The following HSD17B7 variants were observed in gnomAD, a reference collection of about 807,000 sequenced individuals.
HSD17B7 encodes the protein hydroxysteroid 17-beta dehydrogenase 7.
HSD17B7 carries 17 observed loss-of-function variants against 34.1 expected under a neutral mutation model. The observed-to-expected ratio is 0.50, with a 90% CI of 0.34 to 0.75. The LOEUF (loss-of-function observed/expected upper bound fraction) is 0.75. HSD17B7 is among the 30% of genes least tolerant of loss of function. The probability of loss-of-function intolerance (pLI) is 0.01; values close to 1 mark genes in which losing one functional copy is unlikely to be tolerated. For synonymous variants in HSD17B7, 122 were observed against 154.6 expected (o/e 0.79, Z 1.56); for missense variants, 296 against 406.6 (o/e 0.73, Z 2.34).
At chr1:162,804,131 G>C in intron 6 of HSD17B7, 136 bp from the exon 7 acceptor site, 1 of 580,732 alleles carries the variant, frequency 1.7e-6, no homozygotes, top group Non-Finnish European at 3.1e-6. Context: ...TTTCTTTTTT[G>C]ACTTCTTTAT....
intron 8 of HSD17B7, among the ~76,000 whole-genome samples, chr1:162,807,560 C>T (rs1329347230): frequency 6.6e-6 from 1 of 152,166 alleles, no homozygotes; most frequent in African/African-American, 2.4e-5. Flanking sequence ...CTGTCTTCCA[C>T]AATGGTTGAA....
intron 3 of HSD17B7, 158 bp from the exon 4 acceptor site, chr1:162,797,644 A>G (rs1404185525): frequency 7.8e-6 from 9 of 1,150,468 alleles, no homozygotes; most frequent in Non-Finnish European, 9.5e-6. Context: ...TTCATTTAAT[A>G]CAATAACCCA....
intron 8 of HSD17B7, among the ~76,000 whole-genome samples, chr1:162,811,294 TG>T (rs1488491034): frequency 6.6e-6 from 1 of 152,238 alleles, no homozygotes; most frequent in Non-Finnish European, 1.5e-5. Flanking sequence ...TCTTCTGGCT[TG>T]TAGAGTTTCT....
At chr1:162,800,110 A>G in intron 5 of HSD17B7, 173 bp downstream of exon 5, 1 of 718,252 alleles carries the variant, frequency 1.4e-6, no homozygotes, top group Non-Finnish European at 2.6e-6. Flanking sequence ...TTATAGTTAT[A>G]GGTAGTTCAT....
Position 162,797,859 on chromosome 1 carries a change from C to T in HSD17B7, c.390C>T (p.Ile130=). 1 of 1,613,860 alleles carries T rather than the reference C, an allele frequency of 6.2e-7. No individual in the cohort carries two copies. Among genetic ancestry groups the T allele is most frequent in the South Asian group, 1.1e-5 (1 of 91,042 alleles). ...AEGLLTQGDK[I]TADGLQEVFE... ...GCCTGCTGACCCAGGGTGATAAGAT[C>T]ACTGCTGATGGACTTCAGGAGGTGT... The change falls in exon 4 of 9, where the codon ATC becomes ATT. Residue 130 remains isoleucine (I), a synonymous_variant. Transcript: ENST00000254521.
rs376724260 is a variant in HSD17B7, at chr1:162,810,840, C to G, written c.904-1458C>G. Among the ~76,000 whole-genome samples, 10 of 152,172 alleles carry G rather than the reference C, an allele frequency of 6.6e-5. No individual in the cohort carries two copies. The South Asian group carries it at 1.5e-3, about 22-fold the overall frequency. ...ATCCCTTTATTTTGAGCCTATGTGTCTCTCTGCACATGAAATGGGTCTCCT... is the reference window on the plus strand; with the variant it reads ...ATCCCTTTATTTTGAGCCTATGTGTGTCTCTGCACATGAAATGGGTCTCCT... On this transcript the variant is annotated intron_variant, in intron 8 of 8. Transcript: ENST00000254521.
chr1:162,797,993 A>G (rs891885296), intron 4 of HSD17B7, 77 bp downstream of exon 4: 2 of 1,505,546 alleles, frequency 1.3e-6, no homozygotes, highest in East Asian at 2.4e-5. Flanking sequence ...GGGCATTATT[A>G]TAGTTGAGCA....
chr1:162,792,856 A>G lies in HSD17B7; in HGVS notation c.233A>G (p.Lys78Arg), dbSNP rs963632785. Residue 78 changes from lysine to arginine, a missense_variant, in exon 2 of 9, where the codon AAG becomes AGG. Physicochemically the swap from Lys to Arg is conservative, Grantham distance 26. Coordinates refer to ENST00000254521, the MANE Select transcript of HSD17B7 (RefSeq NM_016371.4). ...QSVFRASKELKQRFQRLDCIY... is the reference protein window; with the variant it reads ...QSVFRASKELRQRFQRLDCIY... ...GTCTTCCGGGCCTCCAAGGAACTTA[A>G]GCAAAGGTATATCTCTTGCTGATGG... 11 of 1,614,070 alleles carry G rather than the reference A, an allele frequency of 6.8e-6. No individual in the cohort carries two copies. Among genetic ancestry groups the G allele is most frequent in the Non-Finnish European group, 9.3e-6 (11 of 1,180,040 alleles).
At chr1:162,798,994 C>CA (rs58731372) in intron 4 of HSD17B7, 39 of 138,524 alleles carry the variant, frequency 2.8e-4, no homozygotes, top group South Asian at 1.9e-3. Context: ...AACTCCGTCT[C>CA]AAAAAAAAAA....
intron 7 of HSD17B7, among the ~76,000 whole-genome samples, chr1:162,804,637 C>T (rs1441462385): frequency 3.3e-5 from 5 of 152,146 alleles, no homozygotes; most frequent in African/African-American, 1.2e-4. Flanking sequence ...CAGAGCAGGA[C>T]GGTGACTGCA....
intron 5 of HSD17B7, among the ~76,000 whole-genome samples, chr1:162,800,604 G>T (rs772745181): frequency 2.6e-5 from 4 of 152,202 alleles, no homozygotes; most frequent in Non-Finnish European, 5.9e-5. Context: ...TGCCACTATG[G>T]TCTGCACCTT....
At chr1:162,811,497 AT>A (rs200561224) in intron 8 of HSD17B7, among the ~76,000 whole-genome samples, 15 of 152,244 alleles carry the variant, frequency 9.9e-5, no homozygotes, top group African/African-American at 3.1e-4. Context: ...GGATATCACT[AT>A]TTAAAAGGGC....
chr1:162,809,530 T>A (rs1649104039), intron 8 of HSD17B7, among the ~76,000 whole-genome samples: 1 of 149,802 alleles, frequency 6.7e-6, no homozygotes, highest in Non-Finnish European at 1.5e-5. Context: ...ATTGGAATAG[T>A]TTCAGAAGGA....
chr1:162,810,315 C>T (rs1354713634), intron 8 of HSD17B7, among the ~76,000 whole-genome samples: 1 of 152,096 alleles, frequency 6.6e-6, no homozygotes, highest in African/African-American at 2.4e-5. Flanking sequence ...GTCTGAGAGA[C>T]AGTTTGTTAT....
intron 4 of HSD17B7, chr1:162,799,015 AAAAG>A (rs1648718942): frequency 3.7e-5 from 7 of 186,888 alleles, no homozygotes; most frequent in South Asian, 2.8e-4. Context: ...AAAAAAGAGA[AAAAG>A]AAAGAAAGTT....
At chr1:162,793,325 G>T (rs1487016289) in intron 2 of HSD17B7, among the ~76,000 whole-genome samples, 3 of 152,058 alleles carry the variant, frequency 2.0e-5, no homozygotes, top group Non-Finnish European at 4.4e-5. Context: ...GAGCCATTGC[G>T]CCTGGCCAGT....
At chr1:162,797,123 A>G (rs896018461) in intron 3 of HSD17B7, 9 of 161,320 alleles carry the variant, frequency 5.6e-5, no homozygotes, top group African/African-American at 2.2e-4. Flanking sequence ...AGTGGCTTTC[A>G]AAAATGTTGA....
At chr1:162,807,360 A>G (rs1023736718) in intron 8 of HSD17B7, among the ~76,000 whole-genome samples, 1 of 152,162 alleles carries the variant, frequency 6.6e-6, no homozygotes, top group African/African-American at 2.4e-5. Context: ...CATTTTCTTA[A>G]TCCAGTCTAT....
chr1:162,805,831 C>T (rs1648964289), intron 8 of HSD17B7, among the ~76,000 whole-genome samples: 1 of 152,168 alleles, frequency 6.6e-6, no homozygotes, highest in African/African-American at 2.4e-5. Context: ...TGCTTGTTCA[C>T]CTTCGGGTTC....
Sources: gnomAD v4.1 joint callset for allele counts (sites outside exome capture counted in the v4.1 genomes callset) on GRCh38, gnomAD v4.1.1 for gene constraint, MANE v1.5 for transcripts, NCBI Gene and HGNC (gene_info 2026-07-23, HGNC 2026-07-21) for gene names.